Variants in RNF212B observed in about 807,000 individuals in gnomAD.
RNF212B encodes ring finger protein 212B.
A neutral mutation model predicts 55.5 loss-of-function variants in RNF212B; 52 were observed. That is an observed-to-expected ratio of 0.94 (90% CI 0.75 to 1.18). The LOEUF is 1.18. RNF212B is among the 50% of genes most tolerant of loss of function. RNF212B has a pLI of 0.00. For synonymous variants in RNF212B, 99 were observed against 121.4 expected (o/e 0.82, Z 1.21); for missense variants, 289 against 350.4 (o/e 0.82, Z 1.40).
At chr14:23,259,211 A>T (rs989074410) in intron 5 of RNF212B, among the ~76,000 whole-genome samples, 2 of 147,830 alleles carry the variant, frequency 1.4e-5, no homozygotes, top group African/African-American at 2.5e-5. Flanking sequence ...ACAAAAAAAA[A>T]CATCTGCTTC....
chr14:23,232,793 G>T (rs1369860468), intron 2 of RNF212B, among the ~76,000 whole-genome samples: 2 of 149,304 alleles, frequency 1.3e-5, no homozygotes, highest in East Asian at 2.0e-4. Flanking sequence ...GTGGGGGGGG[G>T]GTCAGCCTCT....
intron 1 of RNF212B, among the ~76,000 whole-genome samples, chr14:23,186,440 C>T (rs1427131802): frequency 6.6e-6 from 1 of 151,670 alleles, no homozygotes; most frequent in Admixed American, 6.6e-5. Context: ...ACCTCTGGCT[C>T]CTAGGTTCAA....
At position 23,198,106 on chromosome 14, in the gene RNF212B, A is replaced by C. The variant is rs377470793; in HGVS notation, c.-2+4705A>C. ...GTTACTTCAGGCCATCTGGATGTGT[A>C]CGTGCAAGTCACAGGGGATGCGATG... is the stretch of plus-strand genomic sequence containing the variant. On this transcript the variant is annotated intron_variant, in intron 2 of 15. Coordinates refer to the RNF212B transcript ENST00000399910. 1.1e-4 allele frequency among the ~76,000 whole-genome samples: 17 copies of C among 152,336 alleles called. No homozygotes were observed. The East Asian group carries it at 3.1e-3, about 28-fold the overall frequency.
At position 23,265,561 on chromosome 14, in the gene RNF212B, TAAATCTCCCACATTTG is replaced by T. The variant is rs1300392323; in HGVS notation, c.634+902_634+917del. Among the ~76,000 whole-genome samples, 4 of 152,220 alleles carry T rather than the reference TAAATCTCCCACATTTG, an allele frequency of 2.6e-5. No individual in the cohort carries two copies. The East Asian group carries it at 5.8e-4, about 22-fold the overall frequency. Reference sequence around the variant, plus strand: ...TTTAATTCTCCAAATAGTCTCCCTCTAAATCTCCCACATTTGAAATCTCCCACTCCTTTGAAAAACA... The same window carrying T: ...TTTAATTCTCCAAATAGTCTCCCTCTAAATCTCCCACTCCTTTGAAAAACA... On this transcript the variant is annotated intron_variant, in intron 11 of 14. Coordinates refer to ENST00000430154, the MANE Select transcript of RNF212B (RefSeq NM_001282322.3).
chr14:23,211,508 T>G (rs1231381645), intron 2 of RNF212B, among the ~76,000 whole-genome samples: 6 of 152,110 alleles, frequency 3.9e-5, no homozygotes. Context: ...CCAATGATTC[T>G]TAGAGGTCAG....
At chr14:23,233,007 G>A (rs1039736275), upstream of RNF212B, among the ~76,000 whole-genome samples, 8 of 152,238 alleles carry the variant, frequency 5.3e-5, no homozygotes, top group Non-Finnish European at 7.3e-5. Context: ...TCAGATTGTT[G>A]CTGTGTCTGT....
intron 14 of RNF212B, chr14:23,272,565 T>G (rs1014551338): frequency 1.1e-5 from 5 of 472,556 alleles, no homozygotes; most frequent in African/African-American, 1.0e-4. Flanking sequence ...ATGTCCCAGA[T>G]TTTCCAAAAT....
chr14:23,186,263 C>A (rs1053954830), intron 1 of RNF212B, among the ~76,000 whole-genome samples: 1 of 151,814 alleles, frequency 6.6e-6, no homozygotes, highest in Admixed American at 6.6e-5. Flanking sequence ...ACATTGAACA[C>A]AAGAGAGAAA....
At chr14:23,237,202 T>G (rs1883177715), upstream of RNF212B, among the ~76,000 whole-genome samples, 1 of 151,688 alleles carries the variant, frequency 6.6e-6, no homozygotes, top group Non-Finnish European at 1.5e-5. Flanking sequence ...CGATCTCGGC[T>G]CACTGCAACC....
chr14:23,209,290 C>T (rs559450686), intron 2 of RNF212B, among the ~76,000 whole-genome samples: 21 of 151,070 alleles, frequency 1.4e-4, no homozygotes, highest in African/African-American at 5.2e-4. Flanking sequence ...GTTTTACCAG[C>T]AAGGTCTTTA....
In RNF212B at chr14:23,268,854, G is replaced by A. The variant is rs1885873154; in HGVS notation, c.635-70G>A. On this transcript the variant is annotated intron_variant, in intron 11 of 14. Coordinates refer to ENST00000430154, the MANE Select transcript of RNF212B (RefSeq NM_001282322.3). ...TTTTATCTCCATTTCCTTTGCCCTG[G>A]CCCCAAGTATACCTGAATCTCTTCT... 20 of 1,296,512 alleles carry A rather than the reference G, an allele frequency of 1.5e-5. No individual in the cohort carries two copies. In the South Asian group the frequency reaches 2.4e-4, roughly 16 times the overall value. 80.3% of individuals were successfully genotyped at this position (1,296,512 alleles called of 1,614,324 possible).
intron 2 of RNF212B, among the ~76,000 whole-genome samples, chr14:23,221,218 C>T (rs1360747166): frequency 1.4e-5 from 2 of 146,934 alleles, no homozygotes; most frequent in African/African-American, 2.5e-5. Context: ...GAAACCCTGT[C>T]TCTACTGAAA....
At chr14:23,244,555 G>A (rs544667362) in intron 4 of RNF212B, among the ~76,000 whole-genome samples, 159 bp downstream of exon 4, 1 of 152,190 alleles carries the variant, frequency 6.6e-6, no homozygotes, top group African/African-American at 2.4e-5. Context: ...ATTTCAATCA[G>A]TTAACTTTTT....
In RNF212B at chr14:23,269,071, G is replaced by A. The variant is rs191917856; in HGVS notation, c.674+108G>A. 753 of 833,476 alleles carry A rather than the reference G, an allele frequency of 9.0e-4. 5 individuals are homozygous for A. The African/African-American group carries it at 0.011, about 12-fold the overall frequency. The allele number at this position is 833,476 out of a possible 1,614,324, so 51.6% of individuals were successfully genotyped here. On this transcript the variant is annotated intron_variant, in intron 12 of 14. Transcript: ENST00000430154. The stretch of plus-strand genomic sequence containing the variant: ...TGTAATCCCAGCACTTTGGGAGGCC[G>A]AGGAGGGTGGATCACTTGAGGTCAG...
intron 4 of RNF212B, among the ~76,000 whole-genome samples, chr14:23,253,545 G>A (rs142658399): frequency 6.6e-6 from 1 of 152,178 alleles, no homozygotes; most frequent in African/African-American, 2.4e-5. Flanking sequence ...GAAAGGTGAG[G>A]CAAGACCACT....
At chr14:23,252,348 T>C (rs1390111676) in intron 4 of RNF212B, among the ~76,000 whole-genome samples, 1 of 152,134 alleles carries the variant, frequency 6.6e-6, no homozygotes, top group East Asian at 1.9e-4. Flanking sequence ...CACACCCTGT[T>C]CAAAAGATCC....
rs1487694266 is a variant in RNF212B at position 23,201,688 on chromosome 14, G to T, written c.-2+8287G>T. Among the ~76,000 whole-genome samples the T allele has an allele frequency of 2.6e-5, 4 of 152,180 alleles. No homozygotes were observed. The East Asian group carries it at 5.8e-4, about 22-fold the overall frequency. On this transcript the variant is annotated intron_variant, in intron 2 of 15. Transcript: ENST00000399910. ...TTTGGAAAGTTTGTCAAATATAAAA[G>T]GTTTAAAACACTTGATATTACAAAA... is the stretch of plus-strand genomic sequence containing the variant.
intron 2 of RNF212B, among the ~76,000 whole-genome samples, chr14:23,212,660 C>A (rs868474896): frequency 6.6e-6 from 1 of 151,950 alleles, no homozygotes; most frequent in Admixed American, 6.6e-5. Context: ...CGGCTCACTG[C>A]AAGCTCCGCC....
chr14:23,191,737 A>G (rs1363888706), intron 1 of RNF212B, among the ~76,000 whole-genome samples: 1 of 152,152 alleles, frequency 6.6e-6, no homozygotes, highest in Non-Finnish European at 1.5e-5. Flanking sequence ...TCTTTTGTAT[A>G]TGTTTAAATT....
Sources: allele counts gnomAD v4.1 joint callset (sites outside exome capture counted in the v4.1 genomes callset), GRCh38; gene constraint gnomAD v4.1.1; transcripts MANE v1.5; gene names NCBI Gene and HGNC (gene_info 2026-07-23, HGNC 2026-07-21).